PACRG: variants seen among roughly 807,000 people sequenced by gnomAD.
PACRG encodes the protein parkin coregulated, also known as parkin coregulated gene protein.
PACRG carries 29 observed loss-of-function variants against 29.7 expected under a neutral mutation model. The observed-to-expected ratio is 0.98, with a 90% CI of 0.73 to 1.33. The LOEUF (loss-of-function observed/expected upper bound fraction) is 1.33. Ranked by LOEUF, PACRG falls within the 40% of genes most tolerant of loss-of-function variation. The probability of loss-of-function intolerance (pLI) is 0.00; values close to 1 mark genes in which losing one functional copy is unlikely to be tolerated. For missense variants in PACRG, 279 were observed against 316.2 expected, an observed-to-expected ratio of 0.88 and a Z score of 0.89; for synonymous variants, 116 against 118.7, an observed-to-expected ratio of 0.98 and a Z score of 0.15.
intron 4 of PACRG, among the ~76,000 whole-genome samples, chr6:163,262,765 G>A (rs181634681): frequency 6.6e-6 from 1 of 151,978 alleles, no homozygotes; most frequent in East Asian, 1.9e-4. Context: ...ATTTAGGCCA[G>A]GTGCAGTGGC....
At chr6:162,898,335 G>A (rs1007675799) in intron 2 of PACRG, among the ~76,000 whole-genome samples, 3 of 152,166 alleles carry the variant, frequency 2.0e-5, no homozygotes, top group Non-Finnish European at 4.4e-5. Context: ...TGAGAGACTG[G>A]GGCAGCCTGA....
At chr6:163,184,185 T>C (rs1298072169) in intron 4 of PACRG, among the ~76,000 whole-genome samples, 1 of 152,252 alleles carries the variant, frequency 6.6e-6, no homozygotes, top group African/African-American at 2.4e-5. Context: ...TTTAGCTCCT[T>C]GTGCTCGGTT....
intron 4 of PACRG, chr6:163,166,291 A>T (rs1405787102): frequency 2.3e-6 from 1 of 435,110 alleles, no homozygotes; most frequent in Non-Finnish European, 4.7e-6. Context: ...AAAAAAATGT[A>T]GATTAGAATC....
intron 1 of PACRG, among the ~76,000 whole-genome samples, chr6:162,739,849 A>C (rs1419915401): frequency 6.6e-6 from 1 of 151,910 alleles, no homozygotes; most frequent in Non-Finnish European, 1.5e-5. Context: ...TTTAAAAAAA[A>C]AAAAAAAAAA....
At chr6:163,123,985 CT>C (rs1816412015) in intron 4 of PACRG, among the ~76,000 whole-genome samples, 1 of 152,186 alleles carries the variant, frequency 6.6e-6, no homozygotes, top group Non-Finnish European at 1.5e-5. Flanking sequence ...AATTTCAGTT[CT>C]TTTGGGTATA....
chr6:162,943,622 A>G (rs1449114524), intron 2 of PACRG, among the ~76,000 whole-genome samples: 6 of 152,072 alleles, frequency 3.9e-5, no homozygotes, highest in Non-Finnish European at 8.8e-5. Context: ...TGCAGGCACC[A>G]CTTGGGGAGC....
rs1003449052 is a variant in PACRG, at chr6:163,041,295, C to T, written c.292-20855C>T. 2.6e-5 allele frequency among the ~76,000 whole-genome samples: 4 copies of T among 152,162 alleles called. No individual in the cohort carries two copies. In the East Asian group the frequency reaches 7.7e-4, roughly 29 times the overall value. ...GAGCTTGCAGTGAACCGAGATCGTG[C>T]CACTGCACTCCAGCCTGGGTGACAG... On this transcript the variant is annotated intron_variant, in intron 2 of 4. Transcript: ENST00000366888.
chr6:163,161,736 T>G (rs970342727), intron 4 of PACRG, among the ~76,000 whole-genome samples: 1 of 152,212 alleles, frequency 6.6e-6, no homozygotes, highest in South Asian at 2.1e-4. Context: ...TTTGGTGTTT[T>G]ACGTTTGGGT....
At chr6:163,113,095 C>T (rs140532756) in intron 4 of PACRG, among the ~76,000 whole-genome samples, 103 of 152,110 alleles carry the variant, frequency 6.8e-4, no homozygotes, top group South Asian at 5.6e-3. Context: ...CTAAAAAGGA[C>T]GGTAACTGAG....
chr6:162,834,406 G>C (rs1365563709), intron 2 of PACRG, among the ~76,000 whole-genome samples: 1 of 151,896 alleles, frequency 6.6e-6, no homozygotes, highest in African/African-American at 2.4e-5. Flanking sequence ...ATACATAAAA[G>C]GTTATAAAAC....
At chr6:163,193,292 G>C (rs928726628) in intron 4 of PACRG, among the ~76,000 whole-genome samples, 1 of 152,182 alleles carries the variant, frequency 6.6e-6, no homozygotes, top group Non-Finnish European at 1.5e-5. Flanking sequence ...GATTGAGAGA[G>C]TGAAAATGGG....
intron 1 of PACRG, among the ~76,000 whole-genome samples, chr6:162,747,982 G>A (rs1244045074): frequency 6.6e-6 from 1 of 152,064 alleles, no homozygotes; most frequent in Non-Finnish European, 1.5e-5. Context: ...ATTTCAGACT[G>A]CTGTGCTGAT....
At chr6:162,847,310 C>T (rs1240832409) in intron 2 of PACRG, among the ~76,000 whole-genome samples, 3 of 152,188 alleles carry the variant, frequency 2.0e-5, no homozygotes, top group African/African-American at 7.2e-5. Flanking sequence ...CTTGAGAGAA[C>T]TTTATTCAAG....
intron 1 of PACRG, 21 bp from the exon 2 acceptor site, chr6:162,814,126 A>ATTT: frequency 1.6e-6 from 2 of 1,230,200 alleles, no homozygotes; most frequent in East Asian, 2.8e-5. Flanking sequence ...CCTGATCCCT[A>ATTT]TTTTTTTTTT....
At chr6:162,977,628 C>T (rs1802067923) in intron 2 of PACRG, among the ~76,000 whole-genome samples, 1 of 152,164 alleles carries the variant, frequency 6.6e-6, no homozygotes, top group South Asian at 2.1e-4. Context: ...CTTGAATGTT[C>T]CTGCCTAGCT....
At chr6:163,049,438 A>G (rs192368431) in intron 2 of PACRG, among the ~76,000 whole-genome samples, 23 of 152,102 alleles carry the variant, frequency 1.5e-4, no homozygotes, top group African/African-American at 2.2e-4. Context: ...TCTATTCTTT[A>G]TGCTACACAA....
intron 2 of PACRG, among the ~76,000 whole-genome samples, chr6:163,040,663 G>A (rs1268022251): frequency 6.6e-6 from 1 of 152,210 alleles, no homozygotes; most frequent in African/African-American, 2.4e-5. Context: ...AGTCAAAGGA[G>A]ATTTTGGAGC....
At chr6:162,748,397 G>C (rs1781256878) in intron 1 of PACRG, among the ~76,000 whole-genome samples, 1 of 152,104 alleles carries the variant, frequency 6.6e-6, no homozygotes, top group African/African-American at 2.4e-5. Flanking sequence ...GGAGGCTGAG[G>C]CATGAGAATC....
intron 1 of PACRG, among the ~76,000 whole-genome samples, chr6:162,741,109 T>C (rs1780559411): frequency 6.6e-6 from 1 of 152,100 alleles, no homozygotes; most frequent in Non-Finnish European, 1.5e-5. Context: ...GTATTTAGCT[T>C]AAAAAAACAA....
Sources: gnomAD v4.1 joint callset for allele counts (sites outside exome capture counted in the v4.1 genomes callset) on GRCh38, gnomAD v4.1.1 for gene constraint, MANE v1.5 for transcripts, NCBI Gene and HGNC (gene_info 2026-07-23, HGNC 2026-07-21) for gene names.